The following ANGPT2 variants were observed in gnomAD, a reference collection of about 807,000 sequenced individuals.
ANGPT2 encodes the protein angiopoietin 2, also known as angiopoietin-2.
Under a neutral mutation model 62.9 loss-of-function variants are expected in ANGPT2, and 28 were observed. The ratio of observed to expected loss-of-function variants is 0.44; its 90% CI spans 0.33 to 0.61. The LOEUF is 0.61. Ranked by LOEUF, ANGPT2 falls within the 20% of genes least tolerant of loss-of-function variation. The pLI is 0.03. For synonymous variants in ANGPT2, 284 were observed against 207.8 expected (o/e 1.37, Z -3.15); for missense variants, 727 against 594.9 (o/e 1.22, Z -2.31).
intron 1 of ANGPT2, among the ~76,000 whole-genome samples, chr8:6,555,081 A>C (rs945366870): frequency 6.6e-6 from 1 of 152,142 alleles, no homozygotes; most frequent in African/African-American, 2.4e-5. Context: ...CAAATGGTTC[A>C]TACTGGTATT....
intron 2 of ANGPT2, among the ~76,000 whole-genome samples, chr8:6,531,272 AGTTTCTTTCTT>A (rs958494286): frequency 1.4e-5 from 2 of 145,690 alleles, no homozygotes; most frequent in Admixed American, 6.8e-5. Flanking sequence ...TTATTTTACT[AGTTTCTTTCTT>A]TCTTTCTTTC....
chr8:6,517,906 G>A (rs530932518), intron 5 of ANGPT2, among the ~76,000 whole-genome samples: 1 of 152,172 alleles, frequency 6.6e-6, no homozygotes, highest in Non-Finnish European at 1.5e-5. Context: ...TTTTCAAGAT[G>A]AGAAAATTGA....
chr8:6,529,599 A>T (rs1819060563), intron 2 of ANGPT2, among the ~76,000 whole-genome samples: 1 of 150,498 alleles, frequency 6.6e-6, no homozygotes, highest in Non-Finnish European at 1.5e-5. Context: ...TGGGTCTATA[A>T]GTGCACACAA....
intron 1 of ANGPT2, 75 bp downstream of exon 1, chr8:6,562,572 G>GTTTTTAAAAC: frequency 2.3e-5 from 1 of 42,834 alleles, no homozygotes; most frequent in Non-Finnish European, 4.8e-5. Flanking sequence ...TTTTTTTTTT[G>GTTTTTAAAAC]GTTGTTAAAA....
At chr8:6,530,578 C>A (rs966601522) in intron 2 of ANGPT2, among the ~76,000 whole-genome samples, 1 of 133,988 alleles carries the variant, frequency 7.5e-6, no homozygotes, top group African/African-American at 2.8e-5. Context: ...TAATAATTCG[C>A]TTTAGATATA....
At chr8:6,541,860 T>C (rs1190569946) in intron 1 of ANGPT2, among the ~76,000 whole-genome samples, 1 of 151,972 alleles carries the variant, frequency 6.6e-6, no homozygotes, top group Non-Finnish European at 1.5e-5. Context: ...TTTTAAAAAT[T>C]AGCTGGACAT....
chr8:6,525,569 A>T (rs1280904487), intron 3 of ANGPT2, among the ~76,000 whole-genome samples: 1 of 152,178 alleles, frequency 6.6e-6, no homozygotes, highest in African/African-American at 2.4e-5. Flanking sequence ...ACTTTTGGGG[A>T]ATTATAAAAG....
chr8:6,520,374 C>G (rs1817079372), intron 4 of ANGPT2, among the ~76,000 whole-genome samples: 1 of 152,100 alleles, frequency 6.6e-6, no homozygotes, highest in South Asian at 2.1e-4. Flanking sequence ...AAGAATGTCC[C>G]TAAACACTGT....
rs180830302 is a variant in ANGPT2 at position 6,499,769 on chromosome 8, C to A, written c.*3332G>T. ...GATCTGCGGAGTGTATCACTTTTTG[C>A]TGTGTCTTCAAAGTGATTCTTGGTT... is the stretch of plus-strand genomic sequence containing the variant. On this transcript the variant is annotated 3_prime_UTR_variant, in exon 9 of 9. Coordinates refer to ENST00000629816, the MANE Select transcript of ANGPT2 (RefSeq NM_001118887.2). 2 of 1,206,562 alleles carry A rather than the reference C, an allele frequency of 1.7e-6. No homozygotes were observed. Among genetic ancestry groups the A allele is most frequent in the Non-Finnish European group, 2.5e-6 (2 of 812,952 alleles). The allele number at this position is 1,206,562 out of a possible 1,614,324, so 74.7% of individuals were successfully genotyped here. A position where few individuals can be genotyped will look rare whatever the true frequency, so the allele number is the denominator to read the frequency against.
intron 1 of ANGPT2, among the ~76,000 whole-genome samples, chr8:6,539,950 C>T (rs536022942): frequency 3.2e-4 from 48 of 152,250 alleles, no homozygotes; most frequent in African/African-American, 1.1e-3. Context: ...TTCCTACTTT[C>T]GCTAGTATAA....
In ANGPT2 at chr8:6,508,817, G is replaced by C. The variant is rs2515416; in HGVS notation, c.1327+115C>G. 8 of 1,396,770 alleles carry C rather than the reference G, an allele frequency of 5.7e-6. No homozygotes were observed. In the African/African-American group the frequency reaches 1.1e-4, roughly 20 times the overall value. The allele number at this position is 1,396,770 out of a possible 1,614,324, so 86.5% of individuals were successfully genotyped here. ...ACCTATATCAAGCTAGTGTGTCTAC[G>C]TATGAAATTGTGGACATCGTTACAA... On this transcript the variant is annotated intron_variant, in intron 8 of 8. Transcript: ENST00000629816.
intron 7 of ANGPT2, among the ~76,000 whole-genome samples, chr8:6,509,345 T>C (rs1252869915): frequency 6.6e-6 from 1 of 152,212 alleles, no homozygotes; most frequent in Non-Finnish European, 1.5e-5. Flanking sequence ...TTCCTGCTGC[T>C]TTCAGATAAA....
chr8:6,503,702 G>A (rs1812662298), intron 8 of ANGPT2, among the ~76,000 whole-genome samples: 2 of 152,234 alleles, frequency 1.3e-5, no homozygotes, highest in Admixed American at 1.3e-4. Flanking sequence ...TTCGGTTGAA[G>A]TTTAAACTAA....
intron 1 of ANGPT2, among the ~76,000 whole-genome samples, chr8:6,554,759 G>A (rs545394848): frequency 5.9e-5 from 9 of 152,274 alleles, no homozygotes; most frequent in African/African-American, 2.2e-4. Flanking sequence ...CTCGGAGGGA[G>A]CGGGAGAGTC....
intron 7 of ANGPT2, among the ~76,000 whole-genome samples, chr8:6,510,048 T>C (rs1037790673): frequency 1.3e-5 from 2 of 152,206 alleles, no homozygotes; most frequent in African/African-American, 4.8e-5. Flanking sequence ...AAATCTTAAG[T>C]TGAACCATTG....
In ANGPT2 at chr8:6,521,242, C is replaced by T. The variant is rs3020221; in HGVS notation, c.735G>A (p.Gln245=). Residue 245 remains glutamine, a synonymous_variant, in exon 4 of 9, where the codon CAG becomes CAA. Transcript: ENST00000629816. ...TCTCCATGAGATCATGTTGCTGCTT[C>T]TGAAGAACTGAATTATTCACCGTGG... ...VTATVNNSVL[Q]KQQHDLMETV... is the part of the protein sequence containing the mutation. 0.37 allele frequency: 589,023 copies of T among 1,613,280 alleles called. 109,072 individuals carry two copies. Among genetic ancestry groups the T allele is most frequent in the Middle Eastern group, 0.45 (2,717 of 6,058 alleles).
At chr8:6,538,814 A>G (rs1820975749) in intron 1 of ANGPT2, among the ~76,000 whole-genome samples, 1 of 152,202 alleles carries the variant, frequency 6.6e-6, no homozygotes, top group South Asian at 2.1e-4. Flanking sequence ...CATTCTACAT[A>G]TACACCCTAG....
intron 2 of ANGPT2, among the ~76,000 whole-genome samples, chr8:6,528,167 G>C (rs1172825366): frequency 6.6e-6 from 1 of 152,150 alleles, no homozygotes; most frequent in Admixed American, 6.5e-5. Context: ...ATAGTGCTGG[G>C]ATTTACAGGC....
In ANGPT2 at chr8:6,505,479, AGAATATATATATTC is replaced by A. The variant is rs1813359165; in HGVS notation, c.1328-2232_1328-2219del. The stretch of plus-strand genomic sequence containing the variant: ...GAATATATATATTCTTTACATATAT[AGAATATATATATTC>A]TTTATATATGTATATATAGAATATA... On this transcript the variant is annotated intron_variant, in intron 8 of 8. Transcript: ENST00000629816. 1.5e-4 allele frequency among the ~76,000 whole-genome samples: 11 copies of A among 73,516 alleles called. 1 individual carries two copies. Among genetic ancestry groups the A allele is most frequent in the Non-Finnish European group, 1.9e-4 (7 of 37,006 alleles). 48.2% of individuals were successfully genotyped at this position (73,516 alleles called of 152,430 possible).
Sources: gnomAD v4.1 joint callset for allele counts (sites outside exome capture counted in the v4.1 genomes callset) on GRCh38, gnomAD v4.1.1 for gene constraint, MANE v1.5 for transcripts, NCBI Gene and HGNC (gene_info 2026-07-23, HGNC 2026-07-21) for gene names.